Variants in ENOX1 observed in about 807,000 individuals in gnomAD.
ENOX1 encodes ecto-NOX disulfide-thiol exchanger 1.
Under a neutral mutation model 82.5 loss-of-function variants are expected in ENOX1, and 42 were observed. That is an observed-to-expected ratio of 0.51 (90% CI 0.40 to 0.66). The LOEUF is 0.66. ENOX1 is among the 30% of genes least tolerant of loss of function. The pLI, the probability that ENOX1 is intolerant of heterozygous loss-of-function variation, is 0.00. For missense variants in ENOX1, 608 were observed against 811.6 expected (o/e 0.75, Z 3.05); for synonymous variants, 271 against 282.2 (o/e 0.96, Z 0.40).
At chr13:43,249,461 G>A (rs2043327293) in intron 14 of ENOX1, among the ~76,000 whole-genome samples, 1 of 152,130 alleles carries the variant, frequency 6.6e-6, no homozygotes, top group Non-Finnish European at 1.5e-5. Context: ...TTTTAAAAAT[G>A]TATGTATGTG....
At chr13:43,531,759 T>C (rs556194899) in intron 2 of ENOX1, among the ~76,000 whole-genome samples, 4,918 of 148,468 alleles carry the variant, frequency 0.033, 262 homozygotes, top group African/African-American at 0.12. Context: ...AAATGATGAG[T>C]TCATGTCCTT....
intron 2 of ENOX1, among the ~76,000 whole-genome samples, chr13:43,559,991 ACTTG>A (rs1295015459): frequency 6.6e-6 from 1 of 152,208 alleles, no homozygotes; most frequent in Non-Finnish European, 1.5e-5. Flanking sequence ...CCATAGTCCC[ACTTG>A]CTAGAGATAA....
At chr13:43,365,515 G>C (rs2050791857) in intron 5 of ENOX1, among the ~76,000 whole-genome samples, 1 of 152,186 alleles carries the variant, frequency 6.6e-6, no homozygotes, top group Admixed American at 6.5e-5. Flanking sequence ...CTGCCCAGAG[G>C]ACTCTGTCTA....
At chr13:43,708,767 T>C (rs902613821) in intron 1 of ENOX1, among the ~76,000 whole-genome samples, 7 of 152,148 alleles carry the variant, frequency 4.6e-5, no homozygotes, top group Admixed American at 3.3e-4. Context: ...TAGAGCTACA[T>C]ATAAAAACTA....
chr13:43,749,011 T>C (rs1950172386), intron 1 of ENOX1, among the ~76,000 whole-genome samples: 1 of 152,294 alleles, frequency 6.6e-6, no homozygotes, highest in East Asian at 1.9e-4. Flanking sequence ...GAAAATAGTA[T>C]CTATGCCATA....
chr13:43,486,649 G>A (rs1371634158), intron 2 of ENOX1, among the ~76,000 whole-genome samples: 1 of 152,152 alleles, frequency 6.6e-6, no homozygotes, highest in East Asian at 1.9e-4. Context: ...CCATAAGAAG[G>A]TGGTACCAGT....
intron 3 of ENOX1, among the ~76,000 whole-genome samples, chr13:43,417,078 G>A (rs557946886): frequency 1.2e-4 from 18 of 152,194 alleles, no homozygotes; most frequent in African/African-American, 1.9e-4. Flanking sequence ...GCGTGGTGGC[G>A]TGCGCCTGCA....
At chr13:43,332,311 C>A (rs1287593690) in intron 9 of ENOX1, among the ~76,000 whole-genome samples, 1 of 152,104 alleles carries the variant, frequency 6.6e-6, no homozygotes, top group Non-Finnish European at 1.5e-5. Context: ...CAACCTAGAT[C>A]CCTTGCATGC....
chr13:43,371,212 G>A (rs763978632), intron 5 of ENOX1, among the ~76,000 whole-genome samples: 6 of 152,154 alleles, frequency 3.9e-5, no homozygotes, highest in East Asian at 1.9e-4. Flanking sequence ...CTTATGGTGC[G>A]GGAGCAGACA....
intron 14 of ENOX1, among the ~76,000 whole-genome samples, chr13:43,262,387 T>C (rs1401687385): frequency 6.6e-6 from 1 of 152,190 alleles, no homozygotes; most frequent in Non-Finnish European, 1.5e-5. Flanking sequence ...TGATAATGCA[T>C]GAAATTCCTG....
At chr13:43,270,986 G>T (rs368373136) in intron 12 of ENOX1, among the ~76,000 whole-genome samples, 35 of 152,212 alleles carry the variant, frequency 2.3e-4, no homozygotes, top group Non-Finnish European at 4.7e-4. Context: ...TGTCCAGACC[G>T]TGGGGAATGG....
At chr13:43,751,759 T>A (rs1171108261) in intron 1 of ENOX1, among the ~76,000 whole-genome samples, 1 of 152,222 alleles carries the variant, frequency 6.6e-6, no homozygotes, top group East Asian at 1.9e-4. Context: ...GGCTATACTA[T>A]AATGAGTTTG....
chr13:43,764,213 C>G (rs1951141922), intron 1 of ENOX1, among the ~76,000 whole-genome samples: 1 of 152,198 alleles, frequency 6.6e-6, no homozygotes, highest in Non-Finnish European at 1.5e-5. Context: ...GAGGCAAAGT[C>G]TACCTTGTCT....
chr13:43,594,798 A>AGAT (rs1379132261), intron 2 of ENOX1, among the ~76,000 whole-genome samples: 1 of 152,138 alleles, frequency 6.6e-6, no homozygotes, highest in East Asian at 1.9e-4. Flanking sequence ...ACTTATTGGG[A>AGAT]GATGGTGCAT....
chr13:43,393,873 T>C (rs1267488911), intron 5 of ENOX1, among the ~76,000 whole-genome samples: 1 of 152,220 alleles, frequency 6.6e-6, no homozygotes, highest in African/African-American at 2.4e-5. Flanking sequence ...GTTTGGGTCA[T>C]GGGAGTTGAT....
intron 2 of ENOX1, among the ~76,000 whole-genome samples, chr13:43,635,167 T>C (rs1275808144): frequency 1.3e-5 from 2 of 152,078 alleles, no homozygotes; most frequent in African/African-American, 4.8e-5. Context: ...GATTAATACC[T>C]GTGAAGTGAT....
chr13:43,278,471 G>C (rs1478953045), intron 12 of ENOX1, among the ~76,000 whole-genome samples: 1 of 151,886 alleles, frequency 6.6e-6, no homozygotes, highest in Non-Finnish European at 1.5e-5. Flanking sequence ...TCATCCCACA[G>C]GACCACTCTG....
intron 2 of ENOX1, among the ~76,000 whole-genome samples, chr13:43,537,354 A>C (rs1162780547): frequency 2.6e-5 from 4 of 152,216 alleles, no homozygotes; most frequent in Non-Finnish European, 5.9e-5. Context: ...AAGGGGAATA[A>C]CTTGCTGGTG....
intron 3 of ENOX1, among the ~76,000 whole-genome samples, chr13:43,447,232 G>A (rs1357191608): frequency 6.6e-6 from 1 of 152,132 alleles, no homozygotes; most frequent in Non-Finnish European, 1.5e-5. Context: ...ATATCCCAAG[G>A]GCCCAGCACA....
Sources: allele counts gnomAD v4.1 joint callset (sites outside exome capture counted in the v4.1 genomes callset), GRCh38; gene constraint gnomAD v4.1.1; transcripts MANE v1.5; gene names NCBI Gene and HGNC (gene_info 2026-07-23, HGNC 2026-07-21).